The following TTC13 variants were observed in gnomAD, a reference collection of about 807,000 sequenced individuals.
TTC13 encodes tetratricopeptide repeat domain 13.
In TTC13, 62 loss-of-function variants were observed where a neutral mutation model predicts 120.0. That is an observed-to-expected ratio of 0.52 (90% CI 0.42 to 0.64). The LOEUF is 0.64. TTC13 is among the 30% of genes least tolerant of loss of function. The pLI is 0.00. For synonymous variants in TTC13, 384 were observed against 393.5 expected (o/e 0.98, Z 0.28); for missense variants, 824 against 1,050.2 (o/e 0.78, Z 2.98).
intron 12 of TTC13, among the ~76,000 whole-genome samples, 199 bp downstream of exon 12, chr1:230,928,738 A>G (rs951191572): frequency 6.6e-6 from 1 of 152,030 alleles, no homozygotes; most frequent in African/African-American, 2.4e-5. Context: ...TTGTTTTTAG[A>G]GATGGGGTCT....
intron 17 of TTC13, among the ~76,000 whole-genome samples, chr1:230,919,776 G>T (rs747158922): frequency 1.3e-5 from 2 of 152,140 alleles, no homozygotes; most frequent in Non-Finnish European, 2.9e-5. Context: ...AAACGCCCAA[G>T]GTGTTCACAG....
chr1:230,943,466 G>C (rs1674702111), intron 6 of TTC13, among the ~76,000 whole-genome samples: 1 of 151,148 alleles, frequency 6.6e-6, no homozygotes, highest in Non-Finnish European at 1.5e-5. Context: ...TTTGTGTGTT[G>C]TATTTTTCTG....
rs7546332 is a variant in TTC13 at position 230,924,575 on chromosome 1, G to A, written c.1721+266C>T. Among the ~76,000 whole-genome samples the A allele has an allele frequency of 0.073, 11,076 of 152,190 alleles. 434 individuals carry two copies. The highest frequency in any genetic ancestry group is 0.088 in the Non-Finnish European group (5,965 of 67,972). On this transcript the variant is annotated intron_variant, in intron 14 of 22. Transcript: ENST00000366661. ...TCTCGATCTCCTGACTTGGTGATCCGCCCGCCTCGGCCTCCCAAAGTGCTG... is the reference window on the plus strand; with the variant it reads ...TCTCGATCTCCTGACTTGGTGATCCACCCGCCTCGGCCTCCCAAAGTGCTG...
At chr1:230,952,297 TG>T (rs1489640363) in intron 4 of TTC13, among the ~76,000 whole-genome samples, 3 of 152,138 alleles carry the variant, frequency 2.0e-5, no homozygotes, top group Non-Finnish European at 4.4e-5. Context: ...TGCCATGATG[TG>T]GAAAGAGCTG....
At chr1:230,917,224 C>T (rs1672120266) in intron 17 of TTC13, among the ~76,000 whole-genome samples, 1 of 152,184 alleles carries the variant, frequency 6.6e-6, no homozygotes, top group African/African-American at 2.4e-5. Flanking sequence ...TGCGTTAACA[C>T]ACTATGTGCC....
intron 22 of TTC13, among the ~76,000 whole-genome samples, chr1:230,907,651 T>C (rs575537987): frequency 6.6e-6 from 1 of 152,330 alleles, no homozygotes; most frequent in South Asian, 2.1e-4. Flanking sequence ...GTTAGAAGCT[T>C]TCATTGCAAA....
chr1:230,946,551 C>T (rs1675017917), intron 4 of TTC13, among the ~76,000 whole-genome samples: 1 of 152,178 alleles, frequency 6.6e-6, no homozygotes, highest in Non-Finnish European at 1.5e-5. Flanking sequence ...GCAGATTGGA[C>T]TACACGGTGT....
In TTC13 at chr1:230,945,408, T is replaced by C; in HGVS notation, c.560A>G (p.Tyr187Cys). 1.2e-6 allele frequency: 2 copies of C among 1,614,084 alleles called. No homozygotes were observed. Among genetic ancestry groups the C allele is most frequent in the Non-Finnish European group, 1.7e-6 (2 of 1,179,942 alleles). Residue 187 changes from tyrosine (Y) to cysteine (C), a missense_variant, in exon 5 of 23, where the codon TAT becomes TGT. Tyr to Cys is a radical substitution (Grantham distance 194, BLOSUM62 -2). Coordinates refer to ENST00000366661, the MANE Select transcript of TTC13 (RefSeq NM_024525.5). ...VSAIYGRGIA[Y>C]GKKGLHDIKN... ...ACTCACATGTAGTCCCTTCTTTCCA[T>C]AGGCTATCCCTCGGCCATAAATTGC... is the stretch of plus-strand genomic sequence containing the variant.
chr1:230,977,283 A>G (rs1444219524), intron 1 of TTC13, among the ~76,000 whole-genome samples: 1 of 152,222 alleles, frequency 6.6e-6, no homozygotes, highest in African/African-American at 2.4e-5. Flanking sequence ...CATTTCCCTC[A>G]CAGCACCCTC....
At chr1:230,954,436 A>T in intron 3 of TTC13, 33 bp from the exon 4 acceptor site, 1 of 1,511,848 alleles carries the variant, frequency 6.6e-7, no homozygotes, top group Non-Finnish European at 9.1e-7. Flanking sequence ...ATTAAAGGAA[A>T]GAATAAAGTA....
At chr1:230,912,795 A>T (rs188457737) in intron 18 of TTC13, 37 bp from the exon 19 acceptor site, 6 of 1,583,340 alleles carry the variant, frequency 3.8e-6, no homozygotes, top group Non-Finnish European at 5.1e-6. Context: ...GGCATGTATT[A>T]TAAGTTCAAA....
In TTC13 at chr1:230,923,876, A is replaced by G; in HGVS notation, c.1779T>C (p.Leu593=). ...LWLDQMPARS[L]SRGFNNHINL... ...TAATGTGGTTGTTAAAACCTCTGCT[A>G]AGACTTCGTGCTGGCATTTGATCTA... Residue 593 remains leucine (L), a synonymous_variant, in exon 15 of 23, where the codon CTT becomes CTC. Transcript: ENST00000366661. 2 of 1,614,034 alleles carry G rather than the reference A, an allele frequency of 1.2e-6. No homozygotes were observed. Among genetic ancestry groups the G allele is most frequent in the Non-Finnish European group, 1.7e-6 (2 of 1,179,920 alleles).
intron 2 of TTC13, among the ~76,000 whole-genome samples, chr1:230,960,156 C>A (rs573767433): frequency 1.3e-5 from 2 of 152,304 alleles, no homozygotes; most frequent in East Asian, 3.9e-4. Flanking sequence ...AAATAAATAT[C>A]TGGAGAATGG....
At chr1:230,936,397 T>C (rs992697331) in intron 8 of TTC13, 3 of 377,050 alleles carry the variant, frequency 8.0e-6, no homozygotes, top group African/African-American at 6.3e-5. Flanking sequence ...CATCCCACCA[T>C]TTTCAGTCCC....
chr1:230,972,473 A>G (rs942195380), intron 1 of TTC13, among the ~76,000 whole-genome samples: 2 of 152,270 alleles, frequency 1.3e-5, no homozygotes, highest in Non-Finnish European at 2.9e-5. Context: ...TAAATTATTT[A>G]TTCTATCTGC....
In TTC13 at chr1:230,933,781, A is replaced by G; in HGVS notation, c.981T>C (p.Tyr327=). The G allele has an allele frequency of 6.3e-7, 1 of 1,598,858 alleles. No homozygotes were observed. The highest frequency in any genetic ancestry group is 8.5e-7 in the Non-Finnish European group (1 of 1,170,462). ...IDAYKSLGQA[Y]RELGNFEAAT... is the part of the protein sequence containing the mutation. ...CCAACTGTTATTATTTTACTCACCT[A>G]TATGCCTGCCCTAGACTTTTATATG... is the stretch of plus-strand genomic sequence containing the variant. The change falls in exon 9 of 23, where the codon TAT becomes TAC. Residue 327 remains tyrosine (Y), a splice_region_variant and synonymous_variant. Coordinates refer to ENST00000366661, the MANE Select transcript of TTC13 (RefSeq NM_024525.5).
rs1163610850 is a variant in TTC13, at chr1:230,952,062, CT to C, written c.513+2270del. On this transcript the variant is annotated intron_variant, in intron 4 of 22. Transcript: ENST00000366661. Reference sequence around the variant, plus strand: ...AGTAGGATCAAGTTTCTTATTAGAACTTTTGAAAACAATTTTAGCATTTAAC... The same window carrying C: ...AGTAGGATCAAGTTTCTTATTAGAACTTTGAAAACAATTTTAGCATTTAAC... Among the ~76,000 whole-genome samples the C allele has an allele frequency of 2.0e-5, 3 of 152,312 alleles. No individual in the cohort carries two copies. The East Asian group carries it at 5.8e-4, about 29-fold the overall frequency.
At position 230,928,864 on chromosome 1, in the gene TTC13, C is replaced by T. The variant is rs569017229; in HGVS notation, c.1457+73G>A. On this transcript the variant is annotated intron_variant, in intron 12 of 22. Coordinates refer to ENST00000366661, the MANE Select transcript of TTC13 (RefSeq NM_024525.5). ...CACCCTCCCAAGTAGCAGGGAGTAG[C>T]GTGCCACCATGCCCAGCTTATAGCT... 1.5e-4 allele frequency: 229 copies of T among 1,519,684 alleles called. 1 individual carries two copies. The highest frequency in any genetic ancestry group is 9.0e-4 in the Middle Eastern group (5 of 5,550). 94.1% of individuals were successfully genotyped at this position (1,519,684 alleles called of 1,614,324 possible).
intron 4 of TTC13, among the ~76,000 whole-genome samples, chr1:230,951,563 T>C (rs1454977337): frequency 1.1e-4 from 17 of 152,206 alleles, no homozygotes; most frequent in Admixed American, 1.1e-3. Flanking sequence ...GAAAAATGGT[T>C]CTCAAGTGAT....
Sources: allele counts gnomAD v4.1 joint callset (sites outside exome capture counted in the v4.1 genomes callset), GRCh38; gene constraint gnomAD v4.1.1; transcripts MANE v1.5; gene names NCBI Gene and HGNC (gene_info 2026-07-23, HGNC 2026-07-21).